Variants in CDH18 observed in about 807,000 individuals in gnomAD.
CDH18 encodes cadherin 18.
A neutral mutation model predicts 67.9 loss-of-function variants in CDH18; 31 were observed. The observed-to-expected ratio is 0.46, with a 90% CI of 0.34 to 0.62. The LOEUF (loss-of-function observed/expected upper bound fraction) is 0.62. Ranked by LOEUF, CDH18 falls within the 20% of genes least tolerant of loss-of-function variation. CDH18 has a pLI of 0.01. For synonymous variants in CDH18, 362 were observed against 347.2 expected (o/e 1.04, Z -0.48); for missense variants, 890 against 975.5 (o/e 0.91, Z 1.17).
At chr5:19,680,850 T>C (rs1190558176) in intron 5 of CDH18, among the ~76,000 whole-genome samples, 1 of 151,934 alleles carries the variant, frequency 6.6e-6, no homozygotes, top group Non-Finnish European at 1.5e-5. Flanking sequence ...GGAAAGCAAT[T>C]TGGTGATTTT....
intron 2 of CDH18, among the ~76,000 whole-genome samples, chr5:20,199,053 C>T (rs550118837): frequency 2.0e-5 from 3 of 152,304 alleles, no homozygotes; most frequent in Admixed American, 6.5e-5. Flanking sequence ...CATGAAGAAC[C>T]TTTGCTAGGG....
chr5:20,539,445 A>G (rs1324744031), intron 1 of CDH18, among the ~76,000 whole-genome samples: 2 of 152,130 alleles, frequency 1.3e-5, no homozygotes, highest in Non-Finnish European at 2.9e-5. Flanking sequence ...TGTTTCTGGT[A>G]GACTTACAAA....
chr5:20,108,699 A>G (rs970189457), intron 2 of CDH18, among the ~76,000 whole-genome samples: 2 of 152,124 alleles, frequency 1.3e-5, no homozygotes, highest in African/African-American at 4.8e-5. Context: ...GACTGAGACT[A>G]CTGCTGGTTC....
At chr5:19,521,614 A>C (rs1036997937) in intron 9 of CDH18, among the ~76,000 whole-genome samples, 5 of 152,156 alleles carry the variant, frequency 3.3e-5, no homozygotes, top group African/African-American at 1.2e-4. Flanking sequence ...AGACTAGTAA[A>C]AAAGATACAA....
intron 2 of CDH18, among the ~76,000 whole-genome samples, chr5:20,119,731 G>A (rs1487151533): frequency 6.6e-6 from 1 of 152,148 alleles, no homozygotes; most frequent in East Asian, 1.9e-4. Context: ...CGAGCTTGGT[G>A]CTGGAGATAA....
chr5:20,137,598 G>A (rs1235923278), intron 2 of CDH18, among the ~76,000 whole-genome samples: 2 of 152,096 alleles, frequency 1.3e-5, no homozygotes, highest in African/African-American at 4.8e-5. Context: ...ACTCGTCAAA[G>A]TCATTCTCCG....
At chr5:19,818,673 C>T (rs1222719493) in intron 3 of CDH18, among the ~76,000 whole-genome samples, 1 of 152,076 alleles carries the variant, frequency 6.6e-6, no homozygotes, top group Non-Finnish European at 1.5e-5. Context: ...GCCTATTGCT[C>T]CTAGGCTAGA....
intron 2 of CDH18, among the ~76,000 whole-genome samples, chr5:19,968,439 A>G (rs937088282): frequency 5.9e-5 from 9 of 152,162 alleles, no homozygotes; most frequent in African/African-American, 2.2e-4. Flanking sequence ...CTGACTTCAA[A>G]CTATACTACA....
At chr5:19,588,672 G>C (rs1439973692) in intron 7 of CDH18, among the ~76,000 whole-genome samples, 1 of 151,958 alleles carries the variant, frequency 6.6e-6, no homozygotes, top group Non-Finnish European at 1.5e-5. Flanking sequence ...CACGTGCAAA[G>C]ACACTTATGG....
intron 2 of CDH18, among the ~76,000 whole-genome samples, chr5:19,847,150 A>G (rs1783072891): frequency 6.6e-6 from 1 of 152,080 alleles, no homozygotes; most frequent in African/African-American, 2.4e-5. Context: ...GGCTACTTGC[A>G]TCTATTATAG....
chr5:20,055,182 G>A (rs1741800315), intron 2 of CDH18, among the ~76,000 whole-genome samples: 2 of 151,774 alleles, frequency 1.3e-5, no homozygotes, highest in Non-Finnish European at 2.9e-5. Flanking sequence ...AATCTTTTTA[G>A]ACTCATGTAA....
chr5:20,062,097 A>AAATCATAC (rs1193542810), intron 2 of CDH18, among the ~76,000 whole-genome samples: 1 of 151,214 alleles, frequency 6.6e-6, no homozygotes, highest in Non-Finnish European at 1.5e-5. Flanking sequence ...AAATACCCTA[A>AAATCATAC]AATCATACAA....
chr5:20,233,054 C>T (rs1015268156), intron 2 of CDH18, among the ~76,000 whole-genome samples: 6 of 151,742 alleles, frequency 4.0e-5, no homozygotes, highest in Non-Finnish European at 8.8e-5. Context: ...TTAATATATA[C>T]AGCTTTCTTC....
intron 3 of CDH18, among the ~76,000 whole-genome samples, chr5:19,766,828 C>A (rs1414362690): frequency 6.6e-6 from 1 of 152,076 alleles, no homozygotes; most frequent in Non-Finnish European, 1.5e-5. Context: ...TTCTGAACTT[C>A]TCATTGTAAT....
rs541668979 is a variant in CDH18 at position 20,511,139 on chromosome 5, TA to T, written c.-580+64322del. 1.7e-3 allele frequency among the ~76,000 whole-genome samples: 254 copies of T among 152,132 alleles called. 1 individual carries two copies. In the South Asian group the frequency reaches 0.02, roughly 12 times the overall value. Reference sequence around the variant, plus strand: ...CAGGAAAAAAAAAGATCGAACAATTTAGTTACATTAAAAAGAATTTGCATGC... The same window carrying T: ...CAGGAAAAAAAAAGATCGAACAATTTGTTACATTAAAAAGAATTTGCATGC... On this transcript the variant is annotated intron_variant, in intron 1 of 14. Coordinates refer to the CDH18 transcript ENST00000507958.
chr5:20,430,695 G>A (rs962471376), intron 1 of CDH18, among the ~76,000 whole-genome samples: 2 of 152,132 alleles, frequency 1.3e-5, no homozygotes, highest in Non-Finnish European at 2.9e-5. Context: ...AACAGATGGT[G>A]AGCCAGAAGT....
intron 2 of CDH18, among the ~76,000 whole-genome samples, chr5:20,004,967 C>T (rs1736770864): frequency 6.6e-6 from 1 of 151,746 alleles, no homozygotes; most frequent in Non-Finnish European, 1.5e-5. Flanking sequence ...TTCCAAATAA[C>T]AGAAAAAATA....
intron 1 of CDH18, among the ~76,000 whole-genome samples, chr5:20,374,689 G>A (rs1272446552): frequency 6.6e-6 from 1 of 151,854 alleles, no homozygotes; most frequent in Non-Finnish European, 1.5e-5. Context: ...AAAACTTCAG[G>A]GAAAGAGGGG....
intron 5 of CDH18, among the ~76,000 whole-genome samples, chr5:19,623,021 AT>A (rs1379453863): frequency 6.6e-6 from 1 of 152,192 alleles, no homozygotes. Flanking sequence ...CATACTATAT[AT>A]TGTGTACCTA....
Sources: allele counts gnomAD v4.1 joint callset (sites outside exome capture counted in the v4.1 genomes callset), GRCh38; gene constraint gnomAD v4.1.1; transcripts MANE v1.5; gene names NCBI Gene and HGNC (gene_info 2026-07-23, HGNC 2026-07-21).